Variants in IMMP2L observed in about 807,000 individuals in gnomAD.
The protein encoded by IMMP2L is mitochondrial inner membrane protease subunit 2.
In IMMP2L, 18 loss-of-function variants were observed where a neutral mutation model predicts 19.3. The observed-to-expected ratio is 0.93, with a 90% CI of 0.64 to 1.38. IMMP2L has a LOEUF of 1.38. Among genes scored for constraint, IMMP2L ranks in the 40% most tolerant of loss-of-function variants. The pLI is 0.00. For missense variants in IMMP2L, 233 were observed against 218.2 expected, an observed-to-expected ratio of 1.07 and a Z score of -0.43; for synonymous variants, 76 against 73.0, an observed-to-expected ratio of 1.04 and a Z score of -0.21.
At chr7:111,354,243 T>G (rs1223129862) in intron 3 of IMMP2L, among the ~76,000 whole-genome samples, 1 of 151,994 alleles carries the variant, frequency 6.6e-6, no homozygotes, top group South Asian at 2.1e-4. Flanking sequence ...AATCCAGGAA[T>G]GTAAGACAGG....
intron 2 of IMMP2L, among the ~76,000 whole-genome samples, chr7:111,501,851 ACCAG>A (rs1416981476): frequency 6.6e-6 from 1 of 152,186 alleles, no homozygotes; most frequent in Non-Finnish European, 1.5e-5. Context: ...AACAACCGGT[ACCAG>A]CCACTGCAAA....
intron 3 of IMMP2L, among the ~76,000 whole-genome samples, chr7:111,345,789 T>A (rs902530170): frequency 1.3e-5 from 2 of 152,158 alleles, no homozygotes; most frequent in African/African-American, 4.8e-5. Flanking sequence ...GCTGCTATAC[T>A]GTCCAGGTCA....
intron 3 of IMMP2L, among the ~76,000 whole-genome samples, chr7:111,371,261 T>A (rs1036732712): frequency 6.6e-6 from 1 of 152,004 alleles, no homozygotes; most frequent in South Asian, 2.1e-4. Flanking sequence ...CGTGGTGATG[T>A]CTTCTTCATG....
intron 3 of IMMP2L, among the ~76,000 whole-genome samples, chr7:111,361,287 A>C (rs1469216242): frequency 1.3e-5 from 2 of 152,080 alleles, no homozygotes. Flanking sequence ...TATTATTCTC[A>C]CTGCTACCAT....
rs1313970008 is a variant in IMMP2L at position 111,438,303 on chromosome 7, C to T, written c.239+48935G>A. ...AAATCTATATATCATTAATGTAATC[C>T]ATTTTTATGTTCTTAAACATCTAAA... On this transcript the variant is annotated intron_variant, in intron 3 of 5. Coordinates refer to ENST00000405709, the MANE Select transcript of IMMP2L (RefSeq NM_032549.4). Among the ~76,000 whole-genome samples the T allele has an allele frequency of 4.0e-5, 6 of 151,690 alleles. No homozygotes were observed. The East Asian group carries it at 5.8e-4, about 15-fold the overall frequency.
At chr7:111,117,636 TCAA>T (rs1215171065) in intron 3 of IMMP2L, among the ~76,000 whole-genome samples, 2 of 152,054 alleles carry the variant, frequency 1.3e-5, no homozygotes, top group African/African-American at 2.4e-5. Context: ...TTAGTATAAT[TCAA>T]CAATACCTCT....
intron 3 of IMMP2L, among the ~76,000 whole-genome samples, chr7:111,295,569 T>C (rs543223107): frequency 7.3e-5 from 11 of 151,428 alleles, no homozygotes; most frequent in African/African-American, 2.4e-4. Context: ...GAAATATGAA[T>C]TGGGAAGCCA....
rs1207558456 is a variant in IMMP2L at position 111,246,029 on chromosome 7, CT to C, written c.239+241208del. 6.7e-5 allele frequency among the ~76,000 whole-genome samples: 2 copies of C among 29,800 alleles called. 1 individual carries two copies. The highest frequency in any genetic ancestry group is 6.2e-4 in the African/African-American group (2 of 3,216). The allele number at this position is 29,800 out of a possible 152,430, so 19.5% of individuals were successfully genotyped here. On this transcript the variant is annotated intron_variant, in intron 3 of 5. Transcript: ENST00000405709. ...GCTTTGGTATCAGAATGATGCTGGC[CT>C]CATAAAATGAGATAGGGAGGATTCC...
At chr7:111,396,552 A>G (rs925758785) in intron 3 of IMMP2L, among the ~76,000 whole-genome samples, 2 of 152,082 alleles carry the variant, frequency 1.3e-5, no homozygotes, top group Admixed American at 1.3e-4. Context: ...TAATGCATGC[A>G]GGGCTTGAAA....
chr7:110,861,079 G>GTA (rs1215794888), intron 5 of IMMP2L, among the ~76,000 whole-genome samples: 1 of 101,848 alleles, frequency 9.8e-6, no homozygotes, highest in African/African-American at 3.9e-5. Context: ...TTGTGTGTGT[G>GTA]TGTGTGTGTG....
chr7:111,154,783 T>A (rs1449002918), intron 3 of IMMP2L, among the ~76,000 whole-genome samples: 1 of 152,158 alleles, frequency 6.6e-6, no homozygotes, highest in Non-Finnish European at 1.5e-5. Context: ...ACACAAGGTC[T>A]CACTCTGTCA....
intron 3 of IMMP2L, among the ~76,000 whole-genome samples, chr7:111,175,864 T>C (rs1562888218): frequency 6.6e-6 from 1 of 151,960 alleles, no homozygotes; most frequent in Admixed American, 6.6e-5. Context: ...GAGAAAATAT[T>C]TGCTAAGTGT....
intron 4 of IMMP2L, among the ~76,000 whole-genome samples, chr7:110,954,785 A>G (rs2129554595): frequency 6.6e-6 from 1 of 152,252 alleles, no homozygotes; most frequent in Admixed American, 6.5e-5. Flanking sequence ...TTCATAGCTA[A>G]AGATGAACTC....
rs111864985 is a variant in IMMP2L at position 111,403,447 on chromosome 7, G to GTATATA, written c.239+83785_239+83790dup. ...GTAAAAACAGACTAATACAGCCCAG[G>GTATATA]TATATATATATATATATATTTTTAA... On this transcript the variant is annotated intron_variant, in intron 3 of 5. Coordinates refer to ENST00000405709, the MANE Select transcript of IMMP2L (RefSeq NM_032549.4). Among the ~76,000 whole-genome samples the GTATATA allele has an allele frequency of 9.6e-3, 1,406 of 146,620 alleles. 27 individuals carry two copies. The highest frequency in any genetic ancestry group is 0.033 in the African/African-American group (1,318 of 40,058).
intron 5 of IMMP2L, chr7:110,724,169 A>C (rs913657965): frequency 6.6e-6 from 1 of 152,198 alleles, no homozygotes; most frequent in Non-Finnish European, 1.5e-5. Context: ...TCTTTTAAGC[A>C]CGGATAATTA....
intron 3 of IMMP2L, among the ~76,000 whole-genome samples, chr7:111,177,529 A>T (rs1464728085): frequency 6.6e-6 from 1 of 152,000 alleles, no homozygotes; most frequent in Admixed American, 6.6e-5. Context: ...CTTCTCTCTT[A>T]TAATGATTAA....
intron 3 of IMMP2L, among the ~76,000 whole-genome samples, chr7:111,242,251 C>A (rs553333763): frequency 3.9e-5 from 6 of 151,954 alleles, no homozygotes; most frequent in African/African-American, 1.5e-4. Context: ...TAAATCAGTC[C>A]CTTTTAGACG....
intron 3 of IMMP2L, among the ~76,000 whole-genome samples, chr7:111,178,117 T>C (rs1807281703): frequency 1.3e-5 from 2 of 152,066 alleles, no homozygotes; most frequent in Admixed American, 6.6e-5. Context: ...CAGGCGTACC[T>C]TGGAGATATT....
chr7:111,391,487 T>C (rs1832347030), intron 3 of IMMP2L, among the ~76,000 whole-genome samples: 1 of 152,178 alleles, frequency 6.6e-6, no homozygotes, highest in South Asian at 2.1e-4. Flanking sequence ...TACAACGCTT[T>C]GCAAAGATTT....
Sources: gnomAD v4.1 joint callset for allele counts (sites outside exome capture counted in the v4.1 genomes callset) on GRCh38, gnomAD v4.1.1 for gene constraint, MANE v1.5 for transcripts, NCBI Gene and HGNC (gene_info 2026-07-23, HGNC 2026-07-21) for gene names.